Variants in EML5 observed in about 807,000 individuals in gnomAD.
EML5 encodes echinoderm microtubule-associated protein-like 5.
EML5 carries 120 observed loss-of-function variants against 250.0 expected under a neutral mutation model. The observed-to-expected ratio is 0.48, with a 90% confidence interval of 0.41 to 0.56. The LOEUF (loss-of-function observed/expected upper bound fraction) is 0.56, where lower values mean the gene tolerates loss of function less well. Among genes scored for constraint, EML5 ranks in the 20% least tolerant of loss-of-function variants. The pLI is 0.00. For synonymous variants in EML5, 771 were observed against 806.5 expected (o/e 0.96, Z 0.75); for missense variants, 2,006 against 2,437.6 (o/e 0.82, Z 3.73).
At chr14:88,783,404 G>A (rs2094518160) in intron 1 of EML5, among the ~76,000 whole-genome samples, 1 of 152,206 alleles carries the variant, frequency 6.6e-6, no homozygotes, top group Admixed American at 6.5e-5. Flanking sequence ...ACAGATCAAT[G>A]GAGCTTCCAC....
rs184082130 is a variant in EML5 at position 88,704,785 on chromosome 14, C to T, written c.2051+75G>A. On this transcript the variant is annotated intron_variant, in intron 13 of 43. Transcript: ENST00000554922. ...GTCATTTCAGGGGATACAGTCAGTTCTATCATTAGAGATGTTAAGCTAGTA... is the reference window on the plus strand; with the variant it reads ...GTCATTTCAGGGGATACAGTCAGTTTTATCATTAGAGATGTTAAGCTAGTA... 1,348 of 1,061,050 alleles carry T rather than the reference C, an allele frequency of 1.3e-3. 3 individuals are homozygous for T. The highest frequency in any genetic ancestry group is 1.8e-3 in the South Asian group (120 of 68,126). The allele number at this position is 1,061,050 out of a possible 1,614,324, so 65.7% of individuals were successfully genotyped here.
intron 1 of EML5, among the ~76,000 whole-genome samples, chr14:88,783,157 G>A (rs761622402): frequency 9.0e-4 from 137 of 152,332 alleles, no homozygotes; most frequent in Non-Finnish European, 1.3e-3. Context: ...TTGCAGGGGC[G>A]GAGCCCTCAT....
intron 31 of EML5, among the ~76,000 whole-genome samples, chr14:88,641,863 T>C (rs2091084703): frequency 6.6e-6 from 1 of 152,170 alleles, no homozygotes; most frequent in South Asian, 2.1e-4. Context: ...AAATTATAAG[T>C]ATAAACATGA....
intron 13 of EML5, among the ~76,000 whole-genome samples, chr14:88,704,452 T>TA (rs2093277673): frequency 1.3e-5 from 2 of 152,144 alleles, no homozygotes; most frequent in Non-Finnish European, 2.9e-5. Flanking sequence ...TATTCCTTTA[T>TA]AGCAATGTGA....
At chr14:88,627,521 T>C (rs889943445) in intron 34 of EML5, 125 bp downstream of exon 34, 16 of 910,012 alleles carry the variant, frequency 1.8e-5, no homozygotes, top group Non-Finnish European at 2.6e-5. Context: ...GTGTACAGTA[T>C]ATTGCATAGG....
intron 10 of EML5, 98 bp from the exon 11 acceptor site, chr14:88,706,524 C>A: frequency 2.2e-6 from 2 of 913,936 alleles, no homozygotes; most frequent in South Asian, 6.0e-5. Context: ...ATCCTTCTAT[C>A]TGAATTATAA....
chr14:88,775,528 CTCT>C (rs1241748464), intron 1 of EML5, among the ~76,000 whole-genome samples: 1 of 152,142 alleles, frequency 6.6e-6, no homozygotes, highest in East Asian at 1.9e-4. Flanking sequence ...GGAGAGGCTC[CTCT>C]GTCTTTAGAG....
chr14:88,637,028 C>A (rs61984737), intron 32 of EML5, among the ~76,000 whole-genome samples: 35,906 of 152,078 alleles, frequency 0.24, 4,432 homozygotes, highest in East Asian at 0.38. Flanking sequence ...ACTCTATGAT[C>A]TATATGATTT....
chr14:88,710,379 C>A (rs2093385570), intron 10 of EML5, among the ~76,000 whole-genome samples: 1 of 152,160 alleles, frequency 6.6e-6, no homozygotes, highest in South Asian at 2.1e-4. Flanking sequence ...TTTGTAAATG[C>A]TGCACTTCTA....
intron 9 of EML5, among the ~76,000 whole-genome samples, chr14:88,713,833 T>A (rs1466043929): frequency 7.6e-6 from 1 of 131,798 alleles, no homozygotes; most frequent in Non-Finnish European, 1.6e-5. Context: ...ATTTGCAAAG[T>A]TTATTTGTTT....
chr14:88,695,530 A>G (rs1288991425), intron 15 of EML5, 76 bp from the exon 16 acceptor site: 2 of 1,289,536 alleles, frequency 1.6e-6, no homozygotes, highest in Non-Finnish European at 2.2e-6. Flanking sequence ...TATATTCTAA[A>G]CCCACATCCT....
intron 25 of EML5, among the ~76,000 whole-genome samples, chr14:88,660,438 C>G (rs533389360): frequency 6.6e-6 from 1 of 152,046 alleles, no homozygotes; most frequent in African/African-American, 2.4e-5. Flanking sequence ...AGCATAGGTA[C>G]GTAGAATGCC....
chr14:88,736,261 A>T (rs1328237348), intron 7 of EML5, 103 bp downstream of exon 7: 1 of 1,328,304 alleles, frequency 7.5e-7, no homozygotes, highest in African/African-American at 1.5e-5. Flanking sequence ...GGCCTCCCAA[A>T]GTGCTGGGAT....
At chr14:88,641,672 C>T (rs1228862221) in intron 31 of EML5, among the ~76,000 whole-genome samples, 1 of 151,986 alleles carries the variant, frequency 6.6e-6, no homozygotes, top group African/African-American at 2.4e-5. Context: ...AGGAACACAC[C>T]TCAAAATAAT....
intron 28 of EML5, among the ~76,000 whole-genome samples, chr14:88,648,521 T>G (rs1364196470): frequency 6.6e-6 from 1 of 152,014 alleles, no homozygotes; most frequent in Non-Finnish European, 1.5e-5. Flanking sequence ...ACCCTGCTAA[T>G]TTTTAAAATT....
intron 1 of EML5, among the ~76,000 whole-genome samples, chr14:88,774,683 T>A (rs1480200680): frequency 6.6e-6 from 1 of 152,240 alleles, no homozygotes; most frequent in African/African-American, 2.4e-5. Context: ...CACATTTTTG[T>A]CAGTTCTTCA....
intron 29 of EML5, among the ~76,000 whole-genome samples, chr14:88,645,318 GCA>G (rs1264472784): frequency 6.6e-6 from 1 of 152,206 alleles, no homozygotes; most frequent in African/African-American, 2.4e-5. Context: ...GAGCCACTGT[GCA>G]CAGCCTTACT....
intron 15 of EML5, 25 bp downstream of exon 15, chr14:88,696,822 T>C (rs563967637): frequency 1.4e-5 from 22 of 1,545,146 alleles, no homozygotes; most frequent in Admixed American, 3.8e-5. Flanking sequence ...TTGTTAATTC[T>C]TACTGAGACA....
intron 7 of EML5, among the ~76,000 whole-genome samples, chr14:88,733,749 A>G (rs1216494671): frequency 6.6e-6 from 1 of 152,224 alleles, no homozygotes; most frequent in Admixed American, 6.5e-5. Context: ...ATCAGTAATT[A>G]TCTGGAAACA....
Sources: gnomAD v4.1 joint callset for allele counts (sites outside exome capture counted in the v4.1 genomes callset) on GRCh38, gnomAD v4.1.1 for gene constraint, MANE v1.5 for transcripts, NCBI Gene and HGNC (gene_info 2026-07-23, HGNC 2026-07-21) for gene names.